The following AP1M1 variants were observed in gnomAD, a reference collection of about 807,000 sequenced individuals.
AP1M1 encodes adaptor related protein complex 1 subunit mu 1, also known as AP-1 complex subunit mu-1.
A neutral mutation model predicts 57.1 loss-of-function variants in AP1M1; 18 were observed. That is an observed-to-expected ratio of 0.32 (90% CI 0.22 to 0.47). AP1M1 has a LOEUF of 0.47. Ranked by LOEUF, AP1M1 falls within the 20% of genes least tolerant of loss-of-function variation. AP1M1 has a pLI of 1.00. For synonymous variants in AP1M1, 241 were observed against 237.9 expected (o/e 1.01, Z -0.12); for missense variants, 362 against 593.5 (o/e 0.61, Z 4.05).
Position 16,243,972 on chromosome 19 carries a change from T to A in AP1M1, c.*9537T>A, listed in dbSNP as rs781472733. 1.3e-5 allele frequency: 2 copies of A among 152,170 alleles called. No homozygotes were observed. Among genetic ancestry groups the A allele is most frequent in the Non-Finnish European group, 1.5e-5 (1 of 68,034 alleles). The allele number at this position is 152,170 out of a possible 1,614,324, so 9.4% of individuals were successfully genotyped here. A position where few individuals can be genotyped will look rare whatever the true frequency, so the allele number is the denominator to read the frequency against. ...TAAATAATTAGAGAATATTTTTCAA[T>A]CTGGATGCAGGTGACATGGGTGTGC... On this transcript the variant is annotated 3_prime_UTR_variant, in exon 12 of 12. Transcript: ENST00000291439.
At chr19:16,200,721 G>A (rs1025705276) in intron 1 of AP1M1, among the ~76,000 whole-genome samples, 4 of 152,190 alleles carry the variant, frequency 2.6e-5, no homozygotes, top group Admixed American at 6.5e-5. Context: ...AAGCTTCTCC[G>A]CTTTATCTAA....
chr19:16,203,363 G>C lies in AP1M1; in HGVS notation c.43-96G>C. On this transcript the variant is annotated intron_variant, in intron 1 of 11. Transcript: ENST00000291439. This position sits in a 1 kb window ranked among gnomAD's most constrained non-coding sequence, Gnocchi z 4.6. ...ATAGTGGCCATGACCGGAGTCCCCA[G>C]AGCGAAGCAGGGTGGTGCATCTCAC... 7.5e-7 allele frequency: 1 copy of C among 1,335,298 alleles called. No individual in the cohort carries two copies. Among genetic ancestry groups the C allele is most frequent in the Non-Finnish European group, 1.1e-6 (1 of 941,380 alleles). The allele number at this position is 1,335,298 out of a possible 1,614,324, so 82.7% of individuals were successfully genotyped here. A position where few individuals can be genotyped will look rare whatever the true frequency, so the allele number is the denominator to read the frequency against.
chr19:16,197,943 C>G lies in AP1M1; in HGVS notation c.-84C>G. ...GAGGTGAGCTGTCGCGGGCGGCGCC[C>G]GGCCTTGCTCAACGCCCAGCAGTCC... is the stretch of plus-strand genomic sequence containing the variant. On this transcript the variant is annotated 5_prime_UTR_variant, in exon 1 of 12. Transcript: ENST00000291439. The G allele has an allele frequency of 1.5e-6, 2 of 1,297,104 alleles. No homozygotes were observed. Among genetic ancestry groups the G allele is most frequent in the African/African-American group, 1.6e-5 (1 of 62,944 alleles). 80.3% of individuals were successfully genotyped at this position (1,297,104 alleles called of 1,614,324 possible). A position where few individuals can be genotyped will look rare whatever the true frequency, so the allele number is the denominator to read the frequency against.
chr19:16,207,899 G>T lies in AP1M1; in HGVS notation c.268-120G>T. The T allele has an allele frequency of 2.3e-6, 3 of 1,318,564 alleles. No individual in the cohort carries two copies. The highest frequency in any genetic ancestry group is 2.8e-4 in the Middle Eastern group (1 of 3,528). The allele number at this position is 1,318,564 out of a possible 1,614,324, so 81.7% of individuals were successfully genotyped here. ...GCCCTGTAGCACACCACCGAGCCTG[G>T]GAAGTAGGCTGTTGGTAGGACTTAG... On this transcript the variant is annotated intron_variant, in intron 3 of 11. Transcript: ENST00000291439. The surrounding 1 kb of genome is among the most constrained non-coding windows in gnomAD (Gnocchi z 4.2).
rs1599465609 is a variant in AP1M1, at chr19:16,228,503, T to C, written c.889-267T>C. 1.3e-5 allele frequency among the ~76,000 whole-genome samples: 2 copies of C among 152,108 alleles called. No individual in the cohort carries two copies. Among genetic ancestry groups the C allele is most frequent in the East Asian group, 1.9e-4 (1 of 5,188 alleles). ...TCCAGCGCAGCCTGGCCCTGGGACA[T>C]AGACATTGTCCTAGGAGGGCAGGGC... On this transcript the variant is annotated intron_variant, in intron 8 of 11. Coordinates refer to ENST00000291439, the MANE Select transcript of AP1M1 (RefSeq NM_032493.4). The surrounding 1 kb of genome is among the most constrained non-coding windows in gnomAD (Gnocchi z 5.0).
At chr19:16,226,022 C>T (rs55743068) in intron 5 of AP1M1, among the ~76,000 whole-genome samples, 1,867 of 152,248 alleles carry the variant, frequency 0.012, 16 homozygotes, top group Non-Finnish European at 0.021. Context: ...GACCAGCTGC[C>T]GGGCCGGCCC....
chr19:16,213,962 C>CT (rs1250342637), intron 5 of AP1M1, among the ~76,000 whole-genome samples: 6 of 151,812 alleles, frequency 4.0e-5, no homozygotes, highest in Non-Finnish European at 2.9e-5. Context: ...ATTATGCTGA[C>CT]TTGTTTGTGT....
In AP1M1 at chr19:16,245,199, TC is replaced by T. The variant is rs1474328503; in HGVS notation, c.*10765del. On this transcript the variant is annotated 3_prime_UTR_variant, in exon 12 of 12. Coordinates refer to ENST00000291439, the MANE Select transcript of AP1M1 (RefSeq NM_032493.4). ...GCATGAGCCACTGCGCCCAGCCAAA[TC>T]TGCATTTTGATAAGTATGCATTTTA... 1 of 152,118 alleles carries T rather than the reference TC, an allele frequency of 6.6e-6. No individual in the cohort carries two copies. Among genetic ancestry groups the T allele is most frequent in the Non-Finnish European group, 1.5e-5 (1 of 68,034 alleles). 9.4% of individuals were successfully genotyped at this position (152,118 alleles called of 1,614,324 possible). A position where few individuals can be genotyped will look rare whatever the true frequency, so the allele number is the denominator to read the frequency against.
intron 1 of AP1M1, among the ~76,000 whole-genome samples, chr19:16,198,729 A>T (rs2091435162): frequency 6.6e-6 from 1 of 152,102 alleles, no homozygotes; most frequent in South Asian, 2.1e-4. Context: ...TATTCAGCTG[A>T]TATCTGGGGA....
intron 9 of AP1M1, among the ~76,000 whole-genome samples, chr19:16,232,615 C>T (rs541404247): frequency 7.2e-5 from 11 of 152,338 alleles, no homozygotes; most frequent in South Asian, 4.1e-4. Context: ...GCAGAGTCCT[C>T]ACTCTCACGC....
intron 4 of AP1M1, 83 bp downstream of exon 4, chr19:16,208,232 C>T: frequency 1.4e-6 from 2 of 1,446,508 alleles, no homozygotes; most frequent in Non-Finnish European, 1.9e-6. Context: ...ACAGAAGGGG[C>T]AAATTTGTGT....
At chr19:16,234,330 C>T in intron 11 of AP1M1, 56 bp downstream of exon 11, 2 of 1,612,272 alleles carry the variant, frequency 1.2e-6, no homozygotes, top group African/African-American at 1.3e-5. Flanking sequence ...TCTGTGGCTG[C>T]CCCCAGGGTG....
chr19:16,207,764 G>A lies in AP1M1; in HGVS notation c.268-255G>A, dbSNP rs138925278. Among the ~76,000 whole-genome samples, 352 of 152,258 alleles carry A rather than the reference G, an allele frequency of 2.3e-3. No individual in the cohort carries two copies. The highest frequency in any genetic ancestry group is 8.2e-3 in the African/African-American group (341 of 41,548). On this transcript the variant is annotated intron_variant, in intron 3 of 11. Coordinates refer to ENST00000291439, the MANE Select transcript of AP1M1 (RefSeq NM_032493.4). The surrounding 1 kb of genome is among the most constrained non-coding windows in gnomAD (Gnocchi z 4.2). ...TGTCTGCGGGTGTCTGGGCAGGGAA[G>A]AGAATGGGAACGCAGAGCTTCTGAA... is the stretch of plus-strand genomic sequence containing the variant.
At chr19:16,216,698 G>T (rs2145126853) in intron 5 of AP1M1, among the ~76,000 whole-genome samples, 1 of 152,312 alleles carries the variant, frequency 6.6e-6, no homozygotes, top group East Asian at 1.9e-4. Context: ...GATTTTAGGG[G>T]ACCAAGGCTC....
intron 1 of AP1M1, among the ~76,000 whole-genome samples, chr19:16,201,686 C>T (rs549566136): frequency 2.6e-4 from 40 of 152,266 alleles, no homozygotes; most frequent in African/African-American, 9.1e-4. Context: ...GCGTGAGCCA[C>T]CGCGCCCAGC....
At chr19:16,217,320 G>A (rs772919059) in intron 5 of AP1M1, among the ~76,000 whole-genome samples, 1 of 151,892 alleles carries the variant, frequency 6.6e-6, no homozygotes, top group Admixed American at 6.6e-5. Context: ...GGGCTGGGGT[G>A]CACTTATGCT....
intron 5 of AP1M1, among the ~76,000 whole-genome samples, chr19:16,221,379 G>A (rs565131286): frequency 6.6e-6 from 1 of 152,364 alleles, no homozygotes; most frequent in Non-Finnish European, 1.5e-5. Flanking sequence ...AATGGCGAGA[G>A]CACACCCGAA....
chr19:16,218,824 C>T (rs1011830328), intron 5 of AP1M1, among the ~76,000 whole-genome samples: 1 of 152,186 alleles, frequency 6.6e-6, no homozygotes, highest in African/African-American at 2.4e-5. Flanking sequence ...CCTCCAGGAA[C>T]CTCCACGTGT....
At chr19:16,204,133 C>A (rs73009153) in intron 2 of AP1M1, among the ~76,000 whole-genome samples, 8,758 of 151,756 alleles carry the variant, frequency 0.058, 451 homozygotes, top group East Asian at 0.28. Flanking sequence ...TGGGGCAAGA[C>A]TGTGGGGACA....
Sources: allele counts gnomAD v4.1 joint callset (sites outside exome capture counted in the v4.1 genomes callset), GRCh38; gene constraint gnomAD v4.1.1; non-coding constraint Gnocchi (gnomAD v3.1); transcripts MANE v1.5; gene names NCBI Gene and HGNC (gene_info 2026-07-23, HGNC 2026-07-21).